Variants in RAD51B observed in about 807,000 individuals in gnomAD.
The protein encoded by RAD51B is RAD51 paralog B, also known as DNA repair protein RAD51 homolog 2.
In RAD51B, 38 loss-of-function variants were observed where a neutral mutation model predicts 42.2. That is an observed-to-expected ratio of 0.90 (90% CI 0.70 to 1.18). The LOEUF is 1.18. Ranked by LOEUF, RAD51B falls within the 50% of genes most tolerant of loss-of-function variation. RAD51B has a pLI of 0.00. For missense variants in RAD51B, 373 were observed against 400.7 expected (o/e 0.93, Z 0.59); for synonymous variants, 154 against 145.2 (o/e 1.06, Z -0.43).
downstream of RAD51B, among the ~76,000 whole-genome samples, chr14:68,616,509 A>T (rs1314960349): frequency 6.6e-6 from 1 of 151,828 alleles, no homozygotes; most frequent in East Asian, 1.9e-4. Flanking sequence ...TACTTTTAAG[A>T]TTTTCTCTTT....
At chr14:67,900,583 G>A (rs1347771704) in intron 7 of RAD51B, among the ~76,000 whole-genome samples, 4 of 141,336 alleles carry the variant, frequency 2.8e-5, no homozygotes, top group Non-Finnish European at 6.0e-5. Flanking sequence ...ATGACTCAAA[G>A]GATCTTCTTT....
At chr14:68,104,563 G>A (rs1458149168) in intron 7 of RAD51B, among the ~76,000 whole-genome samples, 1 of 152,104 alleles carries the variant, frequency 6.6e-6, no homozygotes, top group African/African-American at 2.4e-5. Context: ...CCACTTCATT[G>A]CATATTCTAC....
At chr14:68,248,910 CTGGCACCCTCGCCT>C (rs1458630005) in intron 7 of RAD51B, among the ~76,000 whole-genome samples, 1 of 152,236 alleles carries the variant, frequency 6.6e-6, no homozygotes, top group African/African-American at 2.4e-5. Context: ...CCCATTGGTG[CTGGCACCCTCGCCT>C]TTGTGTGGCA....
intron 8 of RAD51B, among the ~76,000 whole-genome samples, chr14:68,350,744 C>A (rs2082769434): frequency 6.6e-6 from 1 of 152,198 alleles, no homozygotes; most frequent in Admixed American, 6.5e-5. Context: ...ATATCTAACT[C>A]CCTCTGCCTC....
chr14:68,038,231 C>T (rs535284704), intron 7 of RAD51B, among the ~76,000 whole-genome samples: 1 of 152,248 alleles, frequency 6.6e-6, no homozygotes, highest in African/African-American at 2.4e-5. Flanking sequence ...AAGTTGGTAT[C>T]GGCATGTAAT....
chr14:68,440,562 T>C (rs1566885906), intron 9 of RAD51B, among the ~76,000 whole-genome samples: 1 of 152,036 alleles, frequency 6.6e-6, no homozygotes, highest in East Asian at 1.9e-4. Context: ...CTGGCCAACA[T>C]GGTGAAACCC....
intron 7 of RAD51B, among the ~76,000 whole-genome samples, chr14:67,888,146 A>C (rs1452799866): frequency 6.6e-6 from 1 of 152,200 alleles, no homozygotes; most frequent in African/African-American, 2.4e-5. Context: ...GTCAAGGGAG[A>C]AAATATGACA....
intron 7 of RAD51B, among the ~76,000 whole-genome samples, chr14:67,959,656 G>A (rs899340611): frequency 1.3e-5 from 2 of 152,312 alleles, no homozygotes; most frequent in Admixed American, 6.5e-5. Context: ...TGATAAAACA[G>A]TCAAAATTTA....
chr14:68,498,934 C>T (rs1884731331), intron 10 of RAD51B, among the ~76,000 whole-genome samples: 1 of 152,186 alleles, frequency 6.6e-6, no homozygotes, highest in Non-Finnish European at 1.5e-5. Context: ...TCCTATGACA[C>T]ATGGATCTCT....
At chr14:68,000,209 G>T (rs1425686165) in intron 7 of RAD51B, 1 of 152,030 alleles carries the variant, frequency 6.6e-6, no homozygotes, top group Non-Finnish European at 1.5e-5. Flanking sequence ...ACTGCTTTAC[G>T]TTGATAGTCT....
At chr14:67,855,165 T>G (rs1669741404) in intron 4 of RAD51B, among the ~76,000 whole-genome samples, 1 of 152,110 alleles carries the variant, frequency 6.6e-6, no homozygotes, top group African/African-American at 2.4e-5. Flanking sequence ...CCCAAAGTGC[T>G]GGGATTACAG....
intron 7 of RAD51B, among the ~76,000 whole-genome samples, chr14:68,029,868 C>T (rs576174224): frequency 6.6e-6 from 1 of 152,312 alleles, no homozygotes; most frequent in African/African-American, 2.4e-5. Context: ...TGAAATTAAT[C>T]CTCGATCTAT....
chr14:68,429,689 T>G (rs1158690973), intron 9 of RAD51B, among the ~76,000 whole-genome samples: 2 of 152,218 alleles, frequency 1.3e-5, no homozygotes, highest in African/African-American at 4.8e-5. Flanking sequence ...TTTCTCCCAT[T>G]CTGTAGGTTG....
At chr14:68,248,760 T>C (rs2097207234) in intron 7 of RAD51B, among the ~76,000 whole-genome samples, 1 of 152,242 alleles carries the variant, frequency 6.6e-6, no homozygotes, top group African/African-American at 2.4e-5. Context: ...GCTTCCAAGA[T>C]ACTGTCTTTA....
chr14:68,493,985 A>G (rs557870861), intron 10 of RAD51B, among the ~76,000 whole-genome samples: 1 of 152,246 alleles, frequency 6.6e-6, no homozygotes, highest in East Asian at 1.9e-4. Context: ...GTCAGAAATG[A>G]CCAATTCTGG....
chr14:67,859,564 G>A (rs530364382), intron 4 of RAD51B, among the ~76,000 whole-genome samples: 3 of 152,252 alleles, frequency 2.0e-5, no homozygotes, highest in South Asian at 4.1e-4. Flanking sequence ...AACAATAGTA[G>A]GAAGCCATCA....
chr14:68,348,657 T>C (rs956328617), intron 8 of RAD51B, among the ~76,000 whole-genome samples: 1 of 152,228 alleles, frequency 6.6e-6, no homozygotes, highest in East Asian at 1.9e-4. Flanking sequence ...CCCAGCACTT[T>C]GGGAGGCCGA....
At chr14:68,123,732 C>T (rs772990382) in intron 7 of RAD51B, among the ~76,000 whole-genome samples, 3 of 152,030 alleles carry the variant, frequency 2.0e-5, no homozygotes, top group South Asian at 2.1e-4. Context: ...TGCTTCAACC[C>T]GGGAGGTGGA....
chr14:67,900,864 C>G (rs10133652), intron 7 of RAD51B, among the ~76,000 whole-genome samples: 8,128 of 152,104 alleles, frequency 0.053, 497 homozygotes, highest in African/African-American at 0.15. Flanking sequence ...TGATCTTTAG[C>G]TTAGTTTACT....
Sources: allele counts gnomAD v4.1 joint callset (sites outside exome capture counted in the v4.1 genomes callset), GRCh38; gene constraint gnomAD v4.1.1; transcripts MANE v1.5; gene names NCBI Gene and HGNC (gene_info 2026-07-23, HGNC 2026-07-21).